Variants in USP34 observed in about 807,000 individuals in gnomAD.
The protein encoded by USP34 is ubiquitin specific peptidase 34.
USP34 carries 70 observed loss-of-function variants against 460.3 expected under a neutral mutation model. That is an observed-to-expected ratio of 0.15 (90% confidence interval 0.13 to 0.19). The LOEUF is 0.19. Among genes scored for constraint, USP34 ranks in the 10% least tolerant of loss-of-function variants. USP34 has a pLI of 1.00. For synonymous variants in USP34, 1,647 were observed against 1,405.3 expected (o/e 1.17, Z -3.85); for missense variants, 3,985 against 4,236.2 (o/e 0.94, Z 1.65).
At chr2:61,226,198 G>A (rs762435708) in intron 62 of USP34, among the ~76,000 whole-genome samples, 12 of 152,090 alleles carry the variant, frequency 7.9e-5, no homozygotes, top group Non-Finnish European at 1.5e-4. Context: ...AGCATACACC[G>A]TGAAAAGTAC....
Position 61,340,905 on chromosome 2 carries a change from G to A in USP34, c.2501-1224C>T, listed in dbSNP as rs556354892. ...GGTGGGGGGACTGTTTTGGTATTTCGCTTTCATAATTTTATCGAAATACAT... is the reference window on the plus strand; with the variant it reads ...GGTGGGGGGACTGTTTTGGTATTTCACTTTCATAATTTTATCGAAATACAT... On this transcript the variant is annotated intron_variant, in intron 16 of 79. Transcript: ENST00000398571. 3.0e-3 allele frequency among the ~76,000 whole-genome samples: 405 copies of A among 135,602 alleles called. 1 individual carries two copies. Among genetic ancestry groups the A allele is most frequent in the African/African-American group, 0.01 (375 of 36,416 alleles). The allele number at this position is 135,602 out of a possible 152,430, so 89.0% of individuals were successfully genotyped here. A position where few individuals can be genotyped will look rare whatever the true frequency, so the allele number is the denominator to read the frequency against.
At chr2:61,325,704 C>A (rs1691064856) in intron 20 of USP34, among the ~76,000 whole-genome samples, 1 of 151,956 alleles carries the variant, frequency 6.6e-6, no homozygotes, top group Admixed American at 6.6e-5. Context: ...AGAAAGCACA[C>A]AAAAATTCAA....
chr2:61,420,794 T>C lies in USP34; in HGVS notation c.83A>G (p.Lys28Arg), dbSNP rs773895456. Residue 28 changes from lysine to arginine, a missense_variant, in exon 2 of 80, where the codon AAG becomes AGG. Physicochemically the swap from Lys to Arg is conservative, Grantham distance 26. Transcript: ENST00000398571. ...AGTAAATATTTTGAGAGTATGTTCC[T>C]TTCTGAGCTGCAGTCCATCACCACC... ...VEGGDGLQLR[K>R]EHTLKIFTYI... 1 of 1,611,664 alleles carries C rather than the reference T, an allele frequency of 6.2e-7. No homozygotes were observed. Among genetic ancestry groups the C allele is most frequent in the Non-Finnish European group, 8.5e-7 (1 of 1,178,778 alleles).
At chr2:61,377,007 C>T (rs1043360896) in intron 8 of USP34, among the ~76,000 whole-genome samples, 1 of 152,216 alleles carries the variant, frequency 6.6e-6, no homozygotes, top group Non-Finnish European at 1.5e-5. Flanking sequence ...TGTGAAACAA[C>T]ACTTCTAATA....
intron 8 of USP34, among the ~76,000 whole-genome samples, chr2:61,373,367 G>GC (rs1692690102): frequency 6.8e-6 from 1 of 146,460 alleles, no homozygotes; most frequent in Admixed American, 6.8e-5. Flanking sequence ...TATATGACTA[G>GC]TTTTTTTTTT....
At chr2:61,306,431 C>T (rs1197813179) in intron 27 of USP34, among the ~76,000 whole-genome samples, 2 of 152,142 alleles carry the variant, frequency 1.3e-5, no homozygotes, top group Non-Finnish European at 2.9e-5. Context: ...TGGTCTATAT[C>T]TCTGTTTTGG....
Position 61,232,867 on chromosome 2 carries a change from C to CG in USP34, c.7033-336_7033-335insC, listed in dbSNP as rs1280199024. ...TTATATATATATATATATTCCCCCC[C>CG]CCCTTTTTTTTTTTTTTTTTTGAGA... is the stretch of plus-strand genomic sequence containing the variant. On this transcript the variant is annotated intron_variant, in intron 57 of 79. Transcript: ENST00000398571. 1.4e-4 allele frequency among the ~76,000 whole-genome samples: 17 copies of CG among 118,810 alleles called. 2 individuals carry two copies. Among genetic ancestry groups the CG allele is most frequent in the Admixed American group, 1.8e-4 (2 of 11,120 alleles). The allele number at this position is 118,810 out of a possible 152,430, so 77.9% of individuals were successfully genotyped here. A position where few individuals can be genotyped will look rare whatever the true frequency, so the allele number is the denominator to read the frequency against.
intron 5 of USP34, among the ~76,000 whole-genome samples, chr2:61,385,010 ACTG>A (rs757384491): frequency 9.2e-5 from 14 of 152,164 alleles, no homozygotes; most frequent in Non-Finnish European, 1.8e-4. Flanking sequence ...GTTTAGCAAA[ACTG>A]CTGCTAGGTT....
At chr2:61,298,364 C>CAAAAAAAA (rs11417017) in intron 29 of USP34, among the ~76,000 whole-genome samples, 384 of 47,852 alleles carry the variant, frequency 8.0e-3, no homozygotes, top group East Asian at 0.01. Flanking sequence ...TACAAAAATA[C>CAAAAAAAA]AAAAAAAAAA....
At chr2:61,234,865 A>C (rs982595639) in intron 57 of USP34, among the ~76,000 whole-genome samples, 1 of 152,098 alleles carries the variant, frequency 6.6e-6, no homozygotes, top group Non-Finnish European at 1.5e-5. Flanking sequence ...TGAACTCCTG[A>C]CCGCAAGTGA....
In USP34 at chr2:61,284,975, T is replaced by G; in HGVS notation, c.4750-18A>C. 1 of 1,588,030 alleles carries G rather than the reference T, an allele frequency of 6.3e-7. No individual in the cohort carries two copies. On this transcript the variant is annotated intron_variant, in intron 34 of 79. Coordinates refer to ENST00000398571, the MANE Select transcript of USP34 (RefSeq NM_014709.4). Reference sequence around the variant, plus strand: ...AGAAATACCTTTAAAACAAAAACATTTTAAAAGATATTTAAATACAGCAAA... The same window carrying G: ...AGAAATACCTTTAAAACAAAAACATGTTAAAAGATATTTAAATACAGCAAA...
intron 2 of USP34, among the ~76,000 whole-genome samples, chr2:61,410,460 C>G (rs535256932): frequency 2.3e-4 from 35 of 152,332 alleles, no homozygotes; most frequent in Non-Finnish European, 4.1e-4. Flanking sequence ...ACTCACTCAT[C>G]TGCCCTTCAG....
intron 27 of USP34, among the ~76,000 whole-genome samples, chr2:61,303,523 G>C (rs539816777): frequency 3.9e-4 from 60 of 152,180 alleles, no homozygotes; most frequent in East Asian, 3.9e-4. Context: ...AAAACCAGAA[G>C]AAAAGTAAAT....
At position 61,319,260 on chromosome 2, in the gene USP34, A is replaced by C. The variant is rs917861926; in HGVS notation, c.3081T>G (p.Asp1027Glu). ...CLVEDSECYD[D>E]ALHWFLNQVR... ...CTTGATTTAAAAACCAATGGAGTGC[A>C]TCATCATAACATTCAGAATCTTCTA... Residue 1027 changes from aspartate to glutamate, a missense_variant, in exon 22 of 80, where the codon GAT becomes GAG. By Grantham distance (45) the Asp-to-Glu change is conservative. Transcript: ENST00000398571. The C allele has an allele frequency of 1.3e-6, 2 of 1,596,764 alleles. No individual in the cohort carries two copies. Among genetic ancestry groups the C allele is most frequent in the Non-Finnish European group, 1.7e-6 (2 of 1,175,010 alleles).
At chr2:61,256,324 C>A in intron 48 of USP34, 60 bp downstream of exon 48, 1 of 1,429,168 alleles carries the variant, frequency 7.0e-7, no homozygotes. Flanking sequence ...TTAGTTTACC[C>A]TTAGTTTGTC....
chr2:61,267,243 C>A (rs1488533741), intron 41 of USP34, among the ~76,000 whole-genome samples: 8 of 152,090 alleles, frequency 5.3e-5, no homozygotes, highest in Non-Finnish European at 2.9e-5. Flanking sequence ...TAACTATATG[C>A]TGAGTCCTGT....
intron 20 of USP34, among the ~76,000 whole-genome samples, chr2:61,326,531 G>T (rs1205614373): frequency 6.6e-6 from 1 of 152,054 alleles, no homozygotes; most frequent in Non-Finnish European, 1.5e-5. Context: ...GCCCAGGTTT[G>T]CATTTTAAAA....
chr2:61,452,999 G>A (rs1695330144), intron 1 of USP34, among the ~76,000 whole-genome samples: 1 of 149,910 alleles, frequency 6.7e-6, no homozygotes, highest in Non-Finnish European at 1.5e-5. Context: ...CTATCATACA[G>A]ATTCTTAAAA....
intron 1 of USP34, among the ~76,000 whole-genome samples, chr2:61,446,566 C>T (rs1053294750): frequency 5.3e-5 from 8 of 152,186 alleles, no homozygotes; most frequent in East Asian, 1.9e-4. Context: ...GAAGCCAAGG[C>T]GGGCAGATCA....
Sources: allele counts gnomAD v4.1 joint callset (sites outside exome capture counted in the v4.1 genomes callset), GRCh38; gene constraint gnomAD v4.1.1; transcripts MANE v1.5; gene names NCBI Gene and HGNC (gene_info 2026-07-23, HGNC 2026-07-21).